Variants in FAM124A observed in about 807,000 individuals in gnomAD.
FAM124A encodes protein FAM124A.
In FAM124A, 23 loss-of-function variants were observed where a neutral mutation model predicts 24.5. That is an observed-to-expected ratio of 0.94 (90% confidence interval 0.68 to 1.33). The LOEUF is 1.33. Among genes scored for constraint, FAM124A ranks in the 40% most tolerant of loss-of-function variants. FAM124A has a pLI of 0.00. For synonymous variants in FAM124A, 287 were observed against 314.7 expected, an observed-to-expected ratio of 0.91 and a Z score of 0.93; for missense variants, 623 against 722.8, an observed-to-expected ratio of 0.86 and a Z score of 1.58.
At chr13:51,280,223 A>T (rs1386677415) in intron 3 of FAM124A, among the ~76,000 whole-genome samples, 1 of 152,206 alleles carries the variant, frequency 6.6e-6, no homozygotes, top group Non-Finnish European at 1.5e-5. Context: ...TAAGGAGCTG[A>T]ATCTCCTCCT....
intron 1 of FAM124A, chr13:51,227,516 T>G (rs1342528724): frequency 2.6e-5 from 4 of 152,260 alleles, no homozygotes; most frequent in Admixed American, 2.6e-4. Flanking sequence ...CAAATCCACT[T>G]GAAAGATGCC....
chr13:51,253,095 T>C (rs1326094927), intron 3 of FAM124A: 2 of 152,216 alleles, frequency 1.3e-5, no homozygotes, highest in Non-Finnish European at 2.9e-5. Context: ...TAGGGCCTTG[T>C]TTTTCTGAAA....
rs1246595051 is a variant in FAM124A, at chr13:51,281,038, G to T, written c.1423G>T (p.Ala475Ser). The T allele has an allele frequency of 6.2e-7, 1 of 1,614,090 alleles. No homozygotes were observed. The highest frequency in any genetic ancestry group is 1.7e-5 in the Admixed American group (1 of 60,010). The change falls in exon 4 of 4, where the codon GCC becomes TCC. Residue 475 changes from alanine to serine, a missense_variant. By Grantham distance (99) the Ala-to-Ser change is moderately conservative (BLOSUM62 1). Transcript: ENST00000322475. ...LPTVSRVTTE[A>S]SWASLPFFTK... ...CACTGTCAGCAGGGTGACCACAGAG[G>T]CCTCCTGGGCTTCCCTCCCTTTCTT...
intron 2 of FAM124A, 57 bp downstream of exon 2, chr13:51,231,436 AC>A: frequency 6.4e-7 from 1 of 1,568,832 alleles, no homozygotes. Flanking sequence ...AGAGGTCAGT[AC>A]CCTAGAGGCC....
Position 51,251,754 on chromosome 13 carries a change from C to T in FAM124A, c.387C>T (p.Arg129=). The T allele has an allele frequency of 6.3e-7, 1 of 1,586,466 alleles. No homozygotes were observed. The part of the protein sequence containing the change: ...LHRTLQQPPW[R]HHHTEQVHGR... ...GCACACTGCAGCAGCCGCCCTGGCG[C>T]CACCACCACACCGAGCAGGTGCACG... The change falls in exon 3 of 4, where the codon CGC becomes CGT. Residue 129 remains arginine, a synonymous_variant. Transcript: ENST00000322475. The surrounding 1 kb of genome is among the most constrained non-coding windows in gnomAD (Gnocchi z 5.3).
At chr13:51,227,534 T>G (rs897330084) in intron 1 of FAM124A, 1 of 152,206 alleles carries the variant, frequency 6.6e-6, no homozygotes, top group Non-Finnish European at 1.5e-5. Flanking sequence ...GCCTTGTGCT[T>G]TTATGTACTT....
At chr13:51,255,883 TTC>T (rs1274830633) in intron 3 of FAM124A, among the ~76,000 whole-genome samples, 1 of 152,230 alleles carries the variant, frequency 6.6e-6, no homozygotes, top group Non-Finnish European at 1.5e-5. Flanking sequence ...CACAATTTGT[TTC>T]TCTCAGCCAG....
intron 1 of FAM124A, among the ~76,000 whole-genome samples, chr13:51,226,861 T>C (rs1331638962): frequency 6.6e-6 from 1 of 152,182 alleles, no homozygotes; most frequent in African/African-American, 2.4e-5. Flanking sequence ...TGTGAAACCT[T>C]GATCCAGTGA....
chr13:51,263,409 G>A (rs988109936), intron 3 of FAM124A, among the ~76,000 whole-genome samples: 16 of 152,154 alleles, frequency 1.1e-4, no homozygotes, highest in African/African-American at 2.7e-4. Flanking sequence ...TCTCCCCTGC[G>A]TCCTCACCCT....
At chr13:51,252,315 AC>A in intron 3 of FAM124A, 114 bp downstream of exon 3, 1 of 1,402,718 alleles carries the variant, frequency 7.1e-7, no homozygotes, top group Non-Finnish European at 9.5e-7. Context: ...GAGATCAGTG[AC>A]CCTCTGCCCA....
chr13:51,254,335 A>C (rs973390275), intron 3 of FAM124A, among the ~76,000 whole-genome samples: 9 of 152,238 alleles, frequency 5.9e-5, no homozygotes, highest in African/African-American at 1.9e-4. Flanking sequence ...CTGACTTAAC[A>C]TTCCATATTT....
Position 51,280,779 on chromosome 13 carries a change from A to G in FAM124A, c.1164A>G (p.Pro388=). 6.2e-7 allele frequency: 1 copy of G among 1,614,222 alleles called. No individual in the cohort carries two copies. The highest frequency in any genetic ancestry group is 8.5e-7 in the Non-Finnish European group (1 of 1,180,042). The change falls in exon 4 of 4, where the codon CCA becomes CCG. Residue 388 remains proline, a synonymous_variant. Coordinates refer to ENST00000322475, the MANE Select transcript of FAM124A (RefSeq NM_001242312.2). The part of the protein sequence containing the change: ...EPQWFSNTGA[P]GHRASEWRHG... ...AGTGGTTTTCAAACACAGGTGCCCC[A>G]GGGCACAGGGCATCAGAGTGGAGGC...
chr13:51,256,944 T>G (rs1954681218), intron 3 of FAM124A, among the ~76,000 whole-genome samples: 1 of 152,232 alleles, frequency 6.6e-6, no homozygotes, highest in South Asian at 2.1e-4. Flanking sequence ...ATAGTATTTG[T>G]CTTTCTGTTA....
intron 1 of FAM124A, among the ~76,000 whole-genome samples, chr13:51,222,878 C>T (rs944001520): frequency 1.3e-5 from 2 of 152,230 alleles, no homozygotes; most frequent in Non-Finnish European, 2.9e-5. Flanking sequence ...TGCTCTTGCA[C>T]TTGTTTCCTC....
intron 3 of FAM124A, among the ~76,000 whole-genome samples, chr13:51,267,914 C>A (rs1954804694): frequency 6.6e-6 from 1 of 152,178 alleles, no homozygotes; most frequent in South Asian, 2.1e-4. Context: ...TATCTGTGCA[C>A]CAGATGTCAC....
At chr13:51,264,506 C>G (rs1566172299) in intron 3 of FAM124A, among the ~76,000 whole-genome samples, 1 of 152,288 alleles carries the variant, frequency 6.6e-6, no homozygotes, top group East Asian at 1.9e-4. Context: ...CACCTGTAGT[C>G]CCAGTAACTT....
intron 2 of FAM124A, chr13:51,245,433 A>G (rs1212264846): frequency 3.2e-6 from 2 of 615,630 alleles, no homozygotes; most frequent in Admixed American, 2.6e-5. Context: ...GCCCTTTTCT[A>G]TTGGCGCAGC....
At position 51,283,724 on chromosome 13, in the gene FAM124A, A is replaced by G. The variant is rs968017277; in HGVS notation, c.*2468A>G. On this transcript the variant is annotated 3_prime_UTR_variant, in exon 4 of 4. Transcript: ENST00000322475. ...TTCAGAGGTGATGATACCACCTCCA[A>G]TGAACAGGGAAGCAAGTTCATCAGT... 5 of 143,242 alleles carry G rather than the reference A, an allele frequency of 3.5e-5. No individual in the cohort carries two copies. Among genetic ancestry groups the G allele is most frequent in the Non-Finnish European group, 6.1e-5 (4 of 65,366 alleles). 8.9% of individuals were successfully genotyped at this position (143,242 alleles called of 1,614,324 possible).
At chr13:51,269,464 T>C (rs1382198116) in intron 3 of FAM124A, among the ~76,000 whole-genome samples, 3 of 152,228 alleles carry the variant, frequency 2.0e-5, no homozygotes, top group Non-Finnish European at 4.4e-5. Context: ...AAAGTTTTAG[T>C]AAATTTGTAA....
Sources: gnomAD v4.1 joint callset for allele counts (sites outside exome capture counted in the v4.1 genomes callset) on GRCh38, gnomAD v4.1.1 for gene constraint, Gnocchi (gnomAD v3.1) non-coding constraint, MANE v1.5 for transcripts, NCBI Gene and HGNC (gene_info 2026-07-23, HGNC 2026-07-21) for gene names.